The following DNAH8 variants were observed in gnomAD, a reference collection of about 807,000 sequenced individuals.
DNAH8 encodes dynein axonemal heavy chain 8.
Under a neutral mutation model 562.1 loss-of-function variants are expected in DNAH8, and 382 were observed. The ratio of observed to expected loss-of-function variants is 0.68; its 90% CI spans 0.63 to 0.74. The LOEUF is 0.74. Ranked by LOEUF, DNAH8 falls within the 30% of genes least tolerant of loss-of-function variation. The pLI is 0.00. For missense variants in DNAH8, 5,203 were observed against 5,620.4 expected (o/e 0.93, Z 2.37); for synonymous variants, 1,881 against 1,919.4 (o/e 0.98, Z 0.52).
At chr6:38,782,489 C>T (rs1190975084) in intron 16 of DNAH8, among the ~76,000 whole-genome samples, 3 of 152,046 alleles carry the variant, frequency 2.0e-5, no homozygotes, top group African/African-American at 7.2e-5. Context: ...ACTATGTTGG[C>T]GAGGCAGGTC....
intron 41 of DNAH8, among the ~76,000 whole-genome samples, chr6:38,856,903 A>C (rs904694344): frequency 6.6e-6 from 1 of 152,010 alleles, no homozygotes; most frequent in African/African-American, 2.4e-5. Context: ...TGCTCAGACC[A>C]CTTTTATTAC....
chr6:38,792,502 C>T (rs1302552271), intron 21 of DNAH8, among the ~76,000 whole-genome samples: 1 of 152,204 alleles, frequency 6.6e-6, no homozygotes, highest in Non-Finnish European at 1.5e-5. Flanking sequence ...TCCAACTGGT[C>T]TCGCTGCTTC....
chr6:38,796,384 G>A (rs1320215667), intron 21 of DNAH8, among the ~76,000 whole-genome samples: 8 of 152,106 alleles, frequency 5.3e-5, no homozygotes, highest in Non-Finnish European at 8.8e-5. Context: ...TGCTGTAACT[G>A]TTATATCTCT....
At chr6:38,771,319 A>G (rs1480767990) in intron 12 of DNAH8, among the ~76,000 whole-genome samples, 1 of 152,186 alleles carries the variant, frequency 6.6e-6, no homozygotes, top group Non-Finnish European at 1.5e-5. Flanking sequence ...AACAGAACCA[A>G]GTTGCTGAGT....
At chr6:38,802,465 A>G (rs1316962504) in intron 21 of DNAH8, among the ~76,000 whole-genome samples, 1 of 152,212 alleles carries the variant, frequency 6.6e-6, no homozygotes, top group Non-Finnish European at 1.5e-5. Context: ...GACTTATTGA[A>G]CTTTATAAAC....
At chr6:38,793,349 G>A (rs1332829925) in intron 21 of DNAH8, among the ~76,000 whole-genome samples, 1 of 152,086 alleles carries the variant, frequency 6.6e-6, no homozygotes, top group Non-Finnish European at 1.5e-5. Context: ...TGTTCTTGGT[G>A]TGTTCAAGTT....
intron 85 of DNAH8, among the ~76,000 whole-genome samples, chr6:38,980,671 T>A (rs1483708011): frequency 6.6e-6 from 1 of 152,136 alleles, no homozygotes; most frequent in African/African-American, 2.4e-5. Flanking sequence ...ATAGCGCAAA[T>A]CTCTAATGCC....
At chr6:38,926,951 A>C (rs186456181) in intron 74 of DNAH8, among the ~76,000 whole-genome samples, 1,958 of 152,260 alleles carry the variant, frequency 0.013, 35 homozygotes, top group Middle Eastern at 0.037. Context: ...GTTTGCACTC[A>C]TGTTGTGGAC....
chr6:38,940,542 T>C (rs1783360331), intron 79 of DNAH8, among the ~76,000 whole-genome samples: 5 of 152,172 alleles, frequency 3.3e-5, no homozygotes. Context: ...CTCTCCAACG[T>C]GCTGTTATAG....
chr6:38,862,524 C>T lies in DNAH8; in HGVS notation c.6310+66C>T, dbSNP rs556395772. ...TTTTATTGCCTTTTAATGTTATTTT[C>T]TGATATAAATCCAAAGTGACGTGAT... is the stretch of plus-strand genomic sequence containing the variant. On this transcript the variant is annotated intron_variant, in intron 44 of 92. Coordinates refer to ENST00000327475, the MANE Select transcript of DNAH8 (RefSeq NM_001206927.2). 2.2e-5 allele frequency: 33 copies of T among 1,518,580 alleles called. No homozygotes were observed. The East Asian group carries it at 6.6e-4, about 30-fold the overall frequency. 94.1% of individuals were successfully genotyped at this position (1,518,580 alleles called of 1,614,324 possible).
At chr6:38,957,524 A>T (rs758693913) in intron 82 of DNAH8, among the ~76,000 whole-genome samples, 46 of 151,642 alleles carry the variant, frequency 3.0e-4, no homozygotes, top group Middle Eastern at 3.4e-3. Context: ...GTTGTAAAAT[A>T]TACATGTTTT....
At chr6:38,815,408 AAAT>A in intron 25 of DNAH8, 57 bp from the exon 26 acceptor site, 1 of 1,403,230 alleles carries the variant, frequency 7.1e-7, no homozygotes, top group Non-Finnish European at 9.9e-7. Context: ...GAGGTGGTGA[AAAT>A]TGAGGGATGG....
intron 88 of DNAH8, among the ~76,000 whole-genome samples, chr6:39,004,122 T>A (rs1014422282): frequency 6.6e-6 from 1 of 152,164 alleles, no homozygotes; most frequent in African/African-American, 2.4e-5. Flanking sequence ...GTACCTGTAG[T>A]CCCAGCTCCT....
At chr6:38,755,892 A>T in intron 9 of DNAH8, 80 bp from the exon 10 acceptor site, 1 of 841,212 alleles carries the variant, frequency 1.2e-6, no homozygotes. Context: ...GTGTACCTTT[A>T]GAGTTTTGAG....
chr6:38,759,320 A>G (rs1341925091), intron 10 of DNAH8, among the ~76,000 whole-genome samples: 1 of 151,962 alleles, frequency 6.6e-6, no homozygotes, highest in Non-Finnish European at 1.5e-5. Flanking sequence ...AAAACAAACA[A>G]ACAAACAAAC....
At chr6:38,719,565 T>G (rs1019422152) in intron 1 of DNAH8, among the ~76,000 whole-genome samples, 9 of 152,204 alleles carry the variant, frequency 5.9e-5, no homozygotes, top group African/African-American at 2.2e-4. Flanking sequence ...GACATGTGTT[T>G]TTTTTATGGC....
At chr6:38,901,648 A>T (rs952433117) in intron 62 of DNAH8, among the ~76,000 whole-genome samples, 2 of 152,202 alleles carry the variant, frequency 1.3e-5, no homozygotes, top group Non-Finnish European at 2.9e-5. Flanking sequence ...TTGTTCTTCA[A>T]AACGTCTTGT....
At chr6:38,794,798 T>C (rs1770073110) in intron 21 of DNAH8, among the ~76,000 whole-genome samples, 1 of 152,228 alleles carries the variant, frequency 6.6e-6, no homozygotes, top group Admixed American at 6.5e-5. Flanking sequence ...TACAGTTTAT[T>C]TGTTCATTCT....
At chr6:38,744,707 C>T (rs59937919) in intron 8 of DNAH8, among the ~76,000 whole-genome samples, 7,241 of 152,194 alleles carry the variant, frequency 0.048, 199 homozygotes, top group East Asian at 0.095. Flanking sequence ...ATCCTCCTGC[C>T]TCAGCCTCCT....
Sources: gnomAD v4.1 joint callset for allele counts (sites outside exome capture counted in the v4.1 genomes callset) on GRCh38, gnomAD v4.1.1 for gene constraint, MANE v1.5 for transcripts, NCBI Gene and HGNC (gene_info 2026-07-23, HGNC 2026-07-21) for gene names.